Variants in GRIN2A observed in about 807,000 individuals in gnomAD.
GRIN2A encodes the protein glutamate ionotropic receptor NMDA type subunit 2A, also known as glutamate receptor ionotropic, NMDA 2A.
Under a neutral mutation model 113.4 loss-of-function variants are expected in GRIN2A, and 22 were observed. The ratio of observed to expected loss-of-function variants is 0.19; its 90% CI spans 0.14 to 0.28. The LOEUF (loss-of-function observed/expected upper bound fraction) is 0.28. Among genes scored for constraint, GRIN2A ranks in the 10% least tolerant of loss-of-function variants. GRIN2A has a pLI of 1.00. For synonymous variants in GRIN2A, 827 were observed against 738.4 expected (o/e 1.12, Z -1.94); for missense variants, 1,502 against 1,887.0 (o/e 0.80, Z 3.78).
At chr16:9,974,417 G>T (rs904010802) in intron 2 of GRIN2A, among the ~76,000 whole-genome samples, 1 of 152,110 alleles carries the variant, frequency 6.6e-6, no homozygotes, top group Non-Finnish European at 1.5e-5. Flanking sequence ...GTTCTGTTTC[G>T]TTCTGATTAC....
chr16:9,850,314 G>C (rs568730243), intron 4 of GRIN2A, among the ~76,000 whole-genome samples: 2 of 152,182 alleles, frequency 1.3e-5, no homozygotes, highest in South Asian at 2.1e-4. Flanking sequence ...GAGAGGTCTG[G>C]GTTTGATTCT....
chr16:10,046,040 G>A (rs894078194), intron 2 of GRIN2A, among the ~76,000 whole-genome samples: 4 of 152,080 alleles, frequency 2.6e-5, no homozygotes, highest in African/African-American at 4.8e-5. Flanking sequence ...ATTACCCTTC[G>A]GGGAGGGAAA....
At chr16:9,884,734 C>G (rs1203116222) in intron 4 of GRIN2A, among the ~76,000 whole-genome samples, 1 of 147,956 alleles carries the variant, frequency 6.8e-6, no homozygotes, top group Non-Finnish European at 1.5e-5. Context: ...GTGAGAAATT[C>G]TCACTTAGAG....
chr16:10,051,077 G>T (rs1319827422), intron 2 of GRIN2A, among the ~76,000 whole-genome samples: 1 of 152,160 alleles, frequency 6.6e-6, no homozygotes, highest in Non-Finnish European at 1.5e-5. Flanking sequence ...TGATGTAGAT[G>T]TAAGTGCAGT....
chr16:9,827,352 T>G (rs1425391015), intron 9 of GRIN2A, among the ~76,000 whole-genome samples: 1 of 152,158 alleles, frequency 6.6e-6, no homozygotes, highest in African/African-American at 2.4e-5. Context: ...GTGAAGGATT[T>G]GGGGGTGAGC....
chr16:9,851,227 C>G (rs562973890), intron 4 of GRIN2A, among the ~76,000 whole-genome samples: 2 of 152,254 alleles, frequency 1.3e-5, no homozygotes, highest in African/African-American at 4.8e-5. Context: ...TTTTTGCTGG[C>G]TATAAAGAAA....
intron 2 of GRIN2A, among the ~76,000 whole-genome samples, chr16:9,989,214 A>G (rs1490988852): frequency 1.3e-5 from 2 of 152,178 alleles, no homozygotes; most frequent in Non-Finnish European, 2.9e-5. Flanking sequence ...GAAACAGAAT[A>G]CAGACCCCCT....
rs1052744429 is a variant in GRIN2A, at chr16:10,182,418, G to A, written c.-560C>T. 3.9e-5 allele frequency: 6 copies of A among 152,250 alleles called. No homozygotes were observed. Among genetic ancestry groups the A allele is most frequent in the Admixed American group, 3.9e-4 (6 of 15,286 alleles). 9.4% of individuals were successfully genotyped at this position (152,250 alleles called of 1,614,324 possible). On this transcript the variant is annotated 5_prime_UTR_variant, in exon 1 of 13. Transcript: ENST00000330684. ...GGAGCTGCTGAGCGAGGGAGGTAGG[G>A]AGAGAAAGAGGAGGTAACGAGGGTG... is the stretch of plus-strand genomic sequence containing the variant.
At chr16:9,774,998 G>C (rs1901509505) in intron 11 of GRIN2A, among the ~76,000 whole-genome samples, 3 of 152,126 alleles carry the variant, frequency 2.0e-5, no homozygotes. Context: ...TTTGCCCTAA[G>C]ACTCATTCTC....
At chr16:9,890,562 T>C (rs994045235) in intron 4 of GRIN2A, among the ~76,000 whole-genome samples, 4 of 152,248 alleles carry the variant, frequency 2.6e-5, no homozygotes, top group Admixed American at 1.3e-4. Context: ...TTAGTTTATT[T>C]AAAGCAAAAG....
Position 9,760,179 on chromosome 16 carries a change from A to G in GRIN2A, c.*2970T>C, listed in dbSNP as rs1900519587. On this transcript the variant is annotated 3_prime_UTR_variant, in exon 13 of 13. Coordinates refer to ENST00000330684, the MANE Select transcript of GRIN2A (RefSeq NM_001134407.3). The stretch of plus-strand genomic sequence containing the variant: ...CTCAGAGCTGGGATATGTTACGGGA[A>G]TCTTCTGTGATAGATCTATAGTCTC... The G allele has an allele frequency of 8.8e-6, 2 of 226,200 alleles. No homozygotes were observed. Among genetic ancestry groups the G allele is most frequent in the African/African-American group, 4.5e-5 (2 of 44,928 alleles). 14.0% of individuals were successfully genotyped at this position (226,200 alleles called of 1,614,324 possible). A position where few individuals can be genotyped will look rare whatever the true frequency, so the allele number is the denominator to read the frequency against.
chr16:9,765,951 C>T (rs527333534), intron 12 of GRIN2A, among the ~76,000 whole-genome samples: 5 of 152,308 alleles, frequency 3.3e-5, no homozygotes, highest in African/African-American at 1.2e-4. Context: ...TAGAAAACAA[C>T]TGTTTACGTT....
intron 2 of GRIN2A, among the ~76,000 whole-genome samples, chr16:10,178,621 G>A (rs1371098512): frequency 6.6e-6 from 1 of 152,202 alleles, no homozygotes; most frequent in Non-Finnish European, 1.5e-5. Flanking sequence ...CAGGAATTCT[G>A]CTAGCCTGCA....
At chr16:10,093,870 G>C (rs1176104828) in intron 2 of GRIN2A, among the ~76,000 whole-genome samples, 1 of 152,194 alleles carries the variant, frequency 6.6e-6, no homozygotes, top group African/African-American at 2.4e-5. Context: ...GTAGGGAAGA[G>C]ATTGTCTGGG....
rs768059424 is a variant in GRIN2A, at chr16:9,763,036, C to G, written c.*113G>C. ...GCCAACAACAACAACAACAAAATAC[C>G]TCCCTACATCTTCTTCCTCTTAGCA... On this transcript the variant is annotated 3_prime_UTR_variant, in exon 13 of 13. Transcript: ENST00000330684. 1.8e-5 allele frequency: 19 copies of G among 1,061,464 alleles called. No individual in the cohort carries two copies. The highest frequency in any genetic ancestry group is 3.8e-5 in the Admixed American group (2 of 52,366). The allele number at this position is 1,061,464 out of a possible 1,614,324, so 65.8% of individuals were successfully genotyped here.
In GRIN2A at chr16:9,789,481, C is replaced by T. The variant is rs563370688; in HGVS notation, c.2356+8796G>A. ...TATGTTGCTGACTATTATGTGGGAA[C>T]GCCTGAATTCCTGTCTGAGTTTAGA... On this transcript the variant is annotated intron_variant, in intron 11 of 12. Coordinates refer to ENST00000330684, the MANE Select transcript of GRIN2A (RefSeq NM_001134407.3). Among the ~76,000 whole-genome samples the T allele has an allele frequency of 7.9e-5, 12 of 152,042 alleles. No individual in the cohort carries two copies. The South Asian group carries it at 1.7e-3, about 21-fold the overall frequency.
intron 3 of GRIN2A, among the ~76,000 whole-genome samples, chr16:9,911,703 C>A (rs1034418839): frequency 6.6e-6 from 1 of 152,104 alleles, no homozygotes; most frequent in African/African-American, 2.4e-5. Flanking sequence ...TGTCTCCTAA[C>A]CTGTGATGGC....
At chr16:9,807,356 G>GA (rs1205010258) in intron 10 of GRIN2A, among the ~76,000 whole-genome samples, 1 of 39,204 alleles carries the variant, frequency 2.6e-5, no homozygotes, top group Non-Finnish European at 5.0e-5. Flanking sequence ...GAGGGGGAGA[G>GA]GGAGGGAGAG....
intron 2 of GRIN2A, among the ~76,000 whole-genome samples, chr16:10,097,228 G>A (rs758318066): frequency 5.9e-5 from 9 of 152,228 alleles, no homozygotes; most frequent in Non-Finnish European, 1.3e-4. Context: ...TTTGTGGGAA[G>A]TGATACTGGT....
Sources: allele counts gnomAD v4.1 joint callset (sites outside exome capture counted in the v4.1 genomes callset), GRCh38; gene constraint gnomAD v4.1.1; transcripts MANE v1.5; gene names NCBI Gene and HGNC (gene_info 2026-07-23, HGNC 2026-07-21).